The following GPR161 variants were observed in gnomAD, a reference collection of about 807,000 sequenced individuals.
The protein encoded by GPR161 is G-protein coupled receptor RE2.
In GPR161, 25 loss-of-function variants were observed where a neutral mutation model predicts 39.2. The observed-to-expected ratio is 0.64, with a 90% CI of 0.47 to 0.89. GPR161 has a LOEUF of 0.89. Among genes scored for constraint, GPR161 ranks in the 40% least tolerant of loss-of-function variants. The pLI, the probability that GPR161 is intolerant of heterozygous loss-of-function variation, is 0.00. For synonymous variants in GPR161, 286 were observed against 276.6 expected (o/e 1.03, Z -0.34); for missense variants, 547 against 677.8 (o/e 0.81, Z 2.14).
chr1:168,091,172 G>T (rs1302856464), intron 3 of GPR161, among the ~76,000 whole-genome samples: 1 of 152,152 alleles, frequency 6.6e-6, no homozygotes, highest in East Asian at 1.9e-4. Flanking sequence ...CAACGGGGAG[G>T]TTTGGGAGAG....
At chr1:168,112,364 C>A (rs530388909) in intron 1 of GPR161, among the ~76,000 whole-genome samples, 2 of 151,252 alleles carry the variant, frequency 1.3e-5, no homozygotes, top group Non-Finnish European at 2.9e-5. Flanking sequence ...CCTGTAGTCC[C>A]AGCTACTCGG....
At position 168,085,159 on chromosome 1, in the gene GPR161, A is replaced by G. The variant is rs568423127; in HGVS notation, c.*372T>C. On this transcript the variant is annotated 3_prime_UTR_variant, in exon 6 of 6. Coordinates refer to ENST00000682931, the MANE Select transcript of GPR161 (RefSeq NM_001375883.1). ...CGGCTGGACTCCCAGCACACTGTGA[A>G]GAGGAGGAAATGATGCATGTGGGGG... 1.2e-3 allele frequency: 549 copies of G among 448,252 alleles called. 1 individual carries two copies. Among genetic ancestry groups the G allele is most frequent in the African/African-American group, 0.01 (510 of 50,612 alleles). 27.8% of individuals were successfully genotyped at this position (448,252 alleles called of 1,614,324 possible). A position where few individuals can be genotyped will look rare whatever the true frequency, so the allele number is the denominator to read the frequency against.
intron 1 of GPR161, among the ~76,000 whole-genome samples, chr1:168,132,489 G>A (rs1474492581): frequency 2.0e-5 from 3 of 150,900 alleles, no homozygotes; most frequent in Non-Finnish European, 2.9e-5. Flanking sequence ...TCGGGAGGCT[G>A]AGGCAGGAGA....
chr1:168,095,372 T>A (rs202090050), intron 3 of GPR161, among the ~76,000 whole-genome samples: 1 of 152,256 alleles, frequency 6.6e-6, no homozygotes, highest in East Asian at 1.9e-4. Context: ...TTTAGAGCTG[T>A]GGTTGTTCAA....
intron 1 of GPR161, among the ~76,000 whole-genome samples, chr1:168,127,911 T>C (rs1459583184): frequency 6.6e-6 from 1 of 152,130 alleles, no homozygotes; most frequent in Admixed American, 6.5e-5. Flanking sequence ...TGCAAGAGAA[T>C]GCAAAGTGGA....
At chr1:168,137,026 T>TCC, upstream of GPR161, 1 of 243,792 alleles carries the variant, frequency 4.1e-6, no homozygotes, top group Non-Finnish European at 5.4e-6. Flanking sequence ...CGCCCCGCAC[T>TCC]GCCCCGCCCC....
intron 1 of GPR161, chr1:168,136,005 C>T (rs1207594940): frequency 1.6e-6 from 2 of 1,223,040 alleles, no homozygotes; most frequent in African/African-American, 1.6e-5. Flanking sequence ...ACACACCCCA[C>T]TTACCCAACA....
Position 168,104,950 on chromosome 1 carries a change from C to G in GPR161, c.-44-56G>C, listed in dbSNP as rs1481304827. The G allele has an allele frequency of 5.0e-6, 7 of 1,391,300 alleles. No individual in the cohort carries two copies. The South Asian group carries it at 7.8e-5, about 15-fold the overall frequency. 86.2% of individuals were successfully genotyped at this position (1,391,300 alleles called of 1,614,324 possible). A position where few individuals can be genotyped will look rare whatever the true frequency, so the allele number is the denominator to read the frequency against. On this transcript the variant is annotated intron_variant, in intron 1 of 5. Transcript: ENST00000682931. ...GAAAAGATTCATCAAATCACATCGT[C>G]TCCACCTTAGGGAAGAAAGGCTTAA...
At chr1:168,123,545 C>A (rs747115500) in intron 1 of GPR161, among the ~76,000 whole-genome samples, 38 of 86,658 alleles carry the variant, frequency 4.4e-4, no homozygotes, top group Non-Finnish European at 7.1e-4. Context: ...CATACACACA[C>A]ACACACACAC....
chr1:168,124,105 C>G, intron 1 of GPR161, among the ~76,000 whole-genome samples: 1 of 152,228 alleles, frequency 6.6e-6, no homozygotes, highest in East Asian at 1.9e-4. Flanking sequence ...ACGTCTTCAT[C>G]TGCCCATCTA....
In GPR161 at chr1:168,136,517, T is replaced by C. The variant is rs1004116059; in HGVS notation, c.-45+222A>G. On this transcript the variant is annotated intron_variant, in intron 1 of 5. Coordinates refer to ENST00000682931, the MANE Select transcript of GPR161 (RefSeq NM_001375883.1). ...AGGGGAGGGGCGCGCCCCCAACATCTTCCCACAAAGAGCTCCAGCTCTCCA... is the reference window on the plus strand; with the variant it reads ...AGGGGAGGGGCGCGCCCCCAACATCCTCCCACAAAGAGCTCCAGCTCTCCA... 86 of 1,241,776 alleles carry C rather than the reference T, an allele frequency of 6.9e-5. No individual in the cohort carries two copies. The African/African-American group carries it at 1.3e-3, about 19-fold the overall frequency. The allele number at this position is 1,241,776 out of a possible 1,614,324, so 76.9% of individuals were successfully genotyped here.
intron 1 of GPR161, among the ~76,000 whole-genome samples, chr1:168,110,560 A>C (rs568607163): frequency 8.6e-6 from 1 of 116,880 alleles, no homozygotes; most frequent in Non-Finnish European, 1.7e-5. Flanking sequence ...AAGAAAAGAA[A>C]AGAAAAGAAA....
intron 3 of GPR161, among the ~76,000 whole-genome samples, chr1:168,096,193 C>T (rs931067352): frequency 6.6e-6 from 1 of 150,734 alleles, no homozygotes; most frequent in African/African-American, 2.4e-5. Flanking sequence ...CACTCTGAGG[C>T]CAGAGGGCCA....
Position 168,096,573 on chromosome 1 carries a change from T to A in GPR161, c.1034A>T (p.Tyr345Phe). The change falls in exon 3 of 6, where the codon TAT becomes TTT. Residue 345 changes from tyrosine (Y) to phenylalanine (F), a missense_variant. Coordinates refer to ENST00000682931, the MANE Select transcript of GPR161 (RefSeq NM_001375883.1). Reference sequence around the variant, plus strand: ...CTGTCGTTGCACAAATGGTTCCCGATAATACCGGTCCCCAAAGCACATGCC... The same window carrying A: ...CTGTCGTTGCACAAATGGTTCCCGAAAATACCGGTCCCCAAAGCACATGCC... ...LLGMCFGDRY[Y>F]REPFVQRQRT... The A allele has an allele frequency of 6.2e-7, 1 of 1,614,184 alleles. No individual in the cohort carries two copies. Among genetic ancestry groups the A allele is most frequent in the Non-Finnish European group, 8.5e-7 (1 of 1,180,016 alleles).
chr1:168,131,205 C>T (rs1458632631), intron 1 of GPR161, among the ~76,000 whole-genome samples: 4 of 152,064 alleles, frequency 2.6e-5, no homozygotes, highest in Admixed American at 1.3e-4. Context: ...TTCTTATTTT[C>T]GATCTCACCC....
At position 168,085,423 on chromosome 1, in the gene GPR161, G is replaced by A; in HGVS notation, c.*108C>T. 9.9e-7 allele frequency: 1 copy of A among 1,012,760 alleles called. No individual in the cohort carries two copies. Among genetic ancestry groups the A allele is most frequent in the Non-Finnish European group, 1.5e-6 (1 of 677,034 alleles). The allele number at this position is 1,012,760 out of a possible 1,614,324, so 62.7% of individuals were successfully genotyped here. ...CAGATGCTGCTCCTTCCCTGTGTGTGGCCAGCTGTACACAGTGACATGCTC... is the reference window on the plus strand; with the variant it reads ...CAGATGCTGCTCCTTCCCTGTGTGTAGCCAGCTGTACACAGTGACATGCTC... On this transcript the variant is annotated 3_prime_UTR_variant, in exon 6 of 6. Coordinates refer to ENST00000682931, the MANE Select transcript of GPR161 (RefSeq NM_001375883.1).
In GPR161 at chr1:168,081,220, T is replaced by G. The variant is rs1694053329; in HGVS notation, c.*4311A>C. 1 of 152,162 alleles carries G rather than the reference T, an allele frequency of 6.6e-6. No individual in the cohort carries two copies. The highest frequency in any genetic ancestry group is 1.5e-5 in the Non-Finnish European group (1 of 68,042). 9.4% of individuals were successfully genotyped at this position (152,162 alleles called of 1,614,324 possible). A position where few individuals can be genotyped will look rare whatever the true frequency, so the allele number is the denominator to read the frequency against. On this transcript the variant is annotated 3_prime_UTR_variant, in exon 6 of 6. Transcript: ENST00000682931. ...TTTGGCTCCCTTAGACTTCTCAAGT[T>G]CCAGATGCTACTTAGCCTTTCCTCC...
chr1:168,132,314 G>T (rs534387154), intron 1 of GPR161, among the ~76,000 whole-genome samples: 1 of 151,496 alleles, frequency 6.6e-6, no homozygotes, highest in Non-Finnish European at 1.5e-5. Flanking sequence ...CAAGCCGGGC[G>T]CTGTGGCTCT....
At chr1:168,090,846 C>G (rs189368383) in intron 3 of GPR161, among the ~76,000 whole-genome samples, 178 bp from the exon 4 acceptor site, 115 of 152,344 alleles carry the variant, frequency 7.5e-4, no homozygotes, top group Admixed American at 1.6e-3. Context: ...TCTTTTCTGT[C>G]CCACTGTGTC....
Sources: gnomAD v4.1 joint callset for allele counts (sites outside exome capture counted in the v4.1 genomes callset) on GRCh38, gnomAD v4.1.1 for gene constraint, MANE v1.5 for transcripts, NCBI Gene and HGNC (gene_info 2026-07-23, HGNC 2026-07-21) for gene names.